MORN5: variants seen among roughly 807,000 people sequenced by gnomAD.
The protein encoded by MORN5 is MORN repeat containing 5.
MORN5 carries 21 observed loss-of-function variants against 22.1 expected under a neutral mutation model. That is an observed-to-expected ratio of 0.95 (90% confidence interval 0.67 to 1.37). The LOEUF (loss-of-function observed/expected upper bound fraction) is 1.37, where lower values mean the gene tolerates loss of function less well. Among genes scored for constraint, MORN5 ranks in the 40% most tolerant of loss-of-function variants. The pLI is 0.00. For missense variants in MORN5, 211 were observed against 215.1 expected (o/e 0.98, Z 0.12); for synonymous variants, 73 against 74.0 (o/e 0.99, Z 0.07).
rs1829916154 is a variant in MORN5, at chr9:122,197,373, C to T, written c.440-2512C>T. Among the ~76,000 whole-genome samples, 1 of 152,132 alleles carries T rather than the reference C, an allele frequency of 6.6e-6. No individual in the cohort carries two copies. Among genetic ancestry groups the T allele is most frequent in the South Asian group, 2.1e-4 (1 of 4,820 alleles). ...TCATATTAACATATTCCAACAATCG[C>T]AATTTGCAAAATAGTAATCACAACT... is the stretch of plus-strand genomic sequence containing the variant. On this transcript the variant is annotated intron_variant, in intron 4 of 4. Transcript: ENST00000373764. The surrounding 1 kb of genome is among the most constrained non-coding windows in gnomAD (Gnocchi z 5.7).
rs142307452 is a variant in MORN5, at chr9:122,197,257, T to TCC, written c.440-2624_440-2623dup. Among the ~76,000 whole-genome samples, 38 of 152,038 alleles carry TCC rather than the reference T, an allele frequency of 2.5e-4. No homozygotes were observed. Among genetic ancestry groups the TCC allele is most frequent in the African/African-American group, 8.7e-4 (36 of 41,400 alleles). On this transcript the variant is annotated intron_variant, in intron 4 of 4. Transcript: ENST00000373764. This position sits in a 1 kb window ranked among gnomAD's most constrained non-coding sequence, Gnocchi z 5.7. Reference sequence around the variant, plus strand: ...GATTAAAGAGTTTGTGGGGTGTTTTTCCCCCATCTTTTTTCTCCCTCCTTT... The same window carrying TCC: ...GATTAAAGAGTTTGTGGGGTGTTTTTCCCCCCCATCTTTTTTCTCCCTCCTTT...
At chr9:122,175,471 T>A (rs2118758032) in intron 4 of MORN5, 1 of 985,320 alleles carries the variant, frequency 1.0e-6, no homozygotes, top group Non-Finnish European at 1.2e-6. Context: ...TAATAGAACA[T>A]TTTCCTTTAA....
chr9:122,199,531 G>A (rs971735949), intron 4 of MORN5, among the ~76,000 whole-genome samples: 1 of 152,148 alleles, frequency 6.6e-6, no homozygotes, highest in Non-Finnish European at 1.5e-5. Context: ...GCAAGGCCTA[G>A]ACCCACTGTC....
intron 4 of MORN5, among the ~76,000 whole-genome samples, chr9:122,194,363 G>A (rs1461516517): frequency 6.6e-6 from 1 of 152,214 alleles, no homozygotes. Flanking sequence ...TCTCACTGGA[G>A]CTTACAGTCT....
chr9:122,168,145 T>C (rs1829314761), intron 2 of MORN5, among the ~76,000 whole-genome samples: 1 of 152,210 alleles, frequency 6.6e-6, no homozygotes, highest in Admixed American at 6.5e-5. Flanking sequence ...GGGACATCTT[T>C]GGGGGACCAT....
At chr9:122,160,978 C>T (rs1564413444) in intron 1 of MORN5, among the ~76,000 whole-genome samples, 1 of 152,122 alleles carries the variant, frequency 6.6e-6, no homozygotes, top group Admixed American at 6.6e-5. Context: ...AAACATGATG[C>T]GACAAGTAGA....
intron 1 of MORN5, among the ~76,000 whole-genome samples, chr9:122,161,758 G>A (rs1829203749): frequency 1.3e-5 from 2 of 152,176 alleles, no homozygotes; most frequent in Non-Finnish European, 2.9e-5. Context: ...CACAGACAAG[G>A]TAAAAGACGG....
chr9:122,162,985 G>A (rs7856153), intron 1 of MORN5, among the ~76,000 whole-genome samples: 77,734 of 151,372 alleles, frequency 0.51, 21,145 homozygotes, highest in African/African-American at 0.66. Flanking sequence ...ACACTTCAAT[G>A]TATCTACTTA....
chr9:122,198,846 A>T (rs575052902), intron 4 of MORN5, among the ~76,000 whole-genome samples: 1 of 152,344 alleles, frequency 6.6e-6, no homozygotes, highest in African/African-American at 2.4e-5. Context: ...CAGCAACAAG[A>T]ATAGATCTTG....
At chr9:122,175,798 A>G (rs775062742) in intron 4 of MORN5, 66 of 757,040 alleles carry the variant, frequency 8.7e-5, no homozygotes, top group Non-Finnish European at 1.0e-4. Flanking sequence ...ATGACCAGAA[A>G]GGTGCCTCAT....
intron 4 of MORN5, among the ~76,000 whole-genome samples, chr9:122,193,209 C>G (rs1002070808): frequency 1.1e-4 from 17 of 152,178 alleles, no homozygotes; most frequent in African/African-American, 3.9e-4. Context: ...ACCATAGTGC[C>G]TCAGCACACT....
chr9:122,171,162 G>T (rs897941843), intron 3 of MORN5, among the ~76,000 whole-genome samples: 5 of 152,142 alleles, frequency 3.3e-5, no homozygotes, highest in Non-Finnish European at 5.9e-5. Flanking sequence ...GTGGGTTTGA[G>T]TCCTAGCATT....
chr9:122,160,020 G>A lies in MORN5; in HGVS notation c.47+1G>A. ...ATATCGGGGAATATGTAGATGGGAG[G>A]TAAGGGGCTCATTTGATTCACTTAC... On this transcript the variant is annotated splice_donor_variant, in intron 1 of 4. Transcript: ENST00000373764. LOFTEE classifies it high-confidence loss of function. 1 of 1,612,964 alleles carries A rather than the reference G, an allele frequency of 6.2e-7. No individual in the cohort carries two copies. The highest frequency in any genetic ancestry group is 8.5e-7 in the Non-Finnish European group (1 of 1,179,564).
chr9:122,194,226 C>T lies in MORN5; in HGVS notation c.440-5659C>T, dbSNP rs528849861. Among the ~76,000 whole-genome samples, 21 of 152,288 alleles carry T rather than the reference C, an allele frequency of 1.4e-4. No individual in the cohort carries two copies. The East Asian group carries it at 4.1e-3, about 29-fold the overall frequency. ...CCTGTCCCTAACACTGGCCACATGG[C>T]TGGCCACAGGATTGGGCTTGCCAAT... On this transcript the variant is annotated intron_variant, in intron 4 of 4. Coordinates refer to ENST00000373764, the MANE Select transcript of MORN5 (RefSeq NM_198469.4).
chr9:122,161,781 C>G (rs1829204150), intron 1 of MORN5, among the ~76,000 whole-genome samples: 2 of 152,160 alleles, frequency 1.3e-5, no homozygotes, highest in South Asian at 2.1e-4. Flanking sequence ...GGCTTTCAAC[C>G]ATTTGCCTTT....
chr9:122,195,251 G>T (rs539844247), intron 4 of MORN5, among the ~76,000 whole-genome samples: 2 of 152,276 alleles, frequency 1.3e-5, no homozygotes, highest in South Asian at 2.1e-4. Flanking sequence ...CGCAAAGATA[G>T]TACAGAGTTG....
intron 4 of MORN5, 163 bp downstream of exon 4, chr9:122,174,790 C>A: frequency 6.7e-7 from 1 of 1,501,834 alleles, no homozygotes; most frequent in Non-Finnish European, 8.9e-7. Context: ...CTTCTCGTGG[C>A]TGGCAAATCT....
At chr9:122,164,879 T>C (rs1157735940) in intron 1 of MORN5, among the ~76,000 whole-genome samples, 1 of 152,236 alleles carries the variant, frequency 6.6e-6, no homozygotes, top group Non-Finnish European at 1.5e-5. Flanking sequence ...CACTCAGTTA[T>C]CTCAACAACT....
intron 4 of MORN5, among the ~76,000 whole-genome samples, chr9:122,183,257 TC>T (rs1348249985): frequency 1.3e-5 from 2 of 152,120 alleles, no homozygotes; most frequent in Admixed American, 6.5e-5. Flanking sequence ...CTCTAGCCCT[TC>T]CCCCTCCTAC....
Sources: gnomAD v4.1 joint callset for allele counts (sites outside exome capture counted in the v4.1 genomes callset) on GRCh38, gnomAD v4.1.1 for gene constraint, Gnocchi (gnomAD v3.1) non-coding constraint, MANE v1.5 for transcripts, NCBI Gene and HGNC (gene_info 2026-07-23, HGNC 2026-07-21) for gene names.